The following AADACL4 variants were observed in gnomAD, a reference collection of about 807,000 sequenced individuals.
AADACL4 encodes arylacetamide deacetylase-like 4.
AADACL4 carries 9 observed loss-of-function variants against 14.1 expected under a neutral mutation model. That is an observed-to-expected ratio of 0.64 (90% CI 0.39 to 1.12). The LOEUF (loss-of-function observed/expected upper bound fraction) is 1.12, where lower values mean the gene tolerates loss of function less well. Among genes scored for constraint, AADACL4 ranks in the 50% most tolerant of loss-of-function variants. The probability of loss-of-function intolerance (pLI) is 0.01; values close to 1 mark genes in which losing one functional copy is unlikely to be tolerated. For missense variants in AADACL4, 531 were observed against 516.1 expected, an observed-to-expected ratio of 1.03 and a Z score of -0.28; for synonymous variants, 188 against 201.6, an observed-to-expected ratio of 0.93 and a Z score of 0.57.
At chr1:12,665,835 T>C (rs1647310494) in intron 3 of AADACL4, 126 bp from the exon 4 acceptor site, 6 of 1,083,124 alleles carry the variant, frequency 5.5e-6, no homozygotes, top group Non-Finnish European at 7.8e-6. Flanking sequence ...AAAATCCTTA[T>C]TTCATAGGGT....
At chr1:12,651,926 T>C (rs892337605) in intron 2 of AADACL4, among the ~76,000 whole-genome samples, 10 of 151,492 alleles carry the variant, frequency 6.6e-5, no homozygotes, top group Non-Finnish European at 1.5e-4. Flanking sequence ...CCTCTCGGGT[T>C]CACGCCATTC....
rs374178973 is a variant in AADACL4, at chr1:12,656,474, G to A, written c.385+5135G>A. Among the ~76,000 whole-genome samples the A allele has an allele frequency of 1.1e-4, 16 of 152,316 alleles. No homozygotes were observed. In the East Asian group the frequency reaches 1.7e-3, roughly 17 times the overall value. Reference sequence around the variant, plus strand: ...ATCTGAACATTTACCACCAGGTAAAGCTTGGGAGTAGAGATGATTCAGTAT... The same window carrying A: ...ATCTGAACATTTACCACCAGGTAAAACTTGGGAGTAGAGATGATTCAGTAT... On this transcript the variant is annotated intron_variant, in intron 2 of 3. Coordinates refer to ENST00000376221, the MANE Select transcript of AADACL4 (RefSeq NM_001013630.2).
At chr1:12,648,337 G>A (rs2100757478) in intron 1 of AADACL4, among the ~76,000 whole-genome samples, 1 of 141,226 alleles carries the variant, frequency 7.1e-6, no homozygotes, top group East Asian at 2.0e-4. Context: ...TTAAAATTCT[G>A]GACCTCAGAT....
intron 2 of AADACL4, 98 bp from the exon 3 acceptor site, chr1:12,661,693 C>T (rs936596759): frequency 1.6e-6 from 2 of 1,251,590 alleles, no homozygotes; most frequent in African/African-American, 3.0e-5. Context: ...GATGCCACAC[C>T]CCACACCAAG....
In AADACL4 at chr1:12,658,152, C is replaced by CTT. The variant is rs1178549122; in HGVS notation, c.386-3637_386-3636dup. On this transcript the variant is annotated intron_variant, in intron 2 of 3. Coordinates refer to ENST00000376221, the MANE Select transcript of AADACL4 (RefSeq NM_001013630.2). ...CCTTCCTTCCTTCCTTTCTTTCTTT[C>CTT]TTTCTTTCTTTCTTTTTCTCTTTCT... Among the ~76,000 whole-genome samples, 9 of 132,660 alleles carry CTT rather than the reference C, an allele frequency of 6.8e-5. No homozygotes were observed. In the East Asian group the frequency reaches 1.8e-3, roughly 27 times the overall value. The allele number at this position is 132,660 out of a possible 152,430, so 87.0% of individuals were successfully genotyped here.
At chr1:12,658,260 T>TTTTC (rs1411607740) in intron 2 of AADACL4, among the ~76,000 whole-genome samples, 1 of 149,640 alleles carries the variant, frequency 6.7e-6, no homozygotes, top group South Asian at 2.2e-4. Context: ...CTTCCTTCCT[T>TTTTC]TTTCTTTCTT....
intron 1 of AADACL4, among the ~76,000 whole-genome samples, chr1:12,647,901 G>T (rs539272676): frequency 9.9e-5 from 15 of 151,648 alleles, no homozygotes; most frequent in Admixed American, 6.6e-4. Context: ...CAAGAGATCC[G>T]CCTGCCTTGG....
chr1:12,651,334 G>T lies in AADACL4; in HGVS notation c.380G>T (p.Ser127Ile). The T allele has an allele frequency of 6.2e-7, 1 of 1,614,128 alleles. No individual in the cohort carries two copies. The highest frequency in any genetic ancestry group is 8.5e-7 in the Non-Finnish European group (1 of 1,180,024). Residue 127 changes from serine to isoleucine, a missense_variant, in exon 2 of 4, where the codon AGC (serine) becomes ATC (isoleucine). Transcript: ENST00000376221. ...FYHGGATVFG[S>I]LDCYHGLCNY... ...CATGGAGGGGCCACAGTATTTGGGA[G>T]CCTGGGTAAGGGGCTTCCCTGTGGC...
chr1:12,655,969 G>C (rs1191869044), intron 2 of AADACL4, among the ~76,000 whole-genome samples: 2 of 152,094 alleles, frequency 1.3e-5, no homozygotes, highest in African/African-American at 2.4e-5. Flanking sequence ...TTAAAATTTA[G>C]GGTTTCATTC....
chr1:12,651,033 A>G, intron 1 of AADACL4, 90 bp from the exon 2 acceptor site: 1 of 1,318,712 alleles, frequency 7.6e-7, no homozygotes, highest in East Asian at 2.3e-5. Context: ...GAAACTGTGA[A>G]AACATCCTAA....
rs1392707210 is a variant in AADACL4 at position 12,656,200 on chromosome 1, T to G, written c.385+4861T>G. Among the ~76,000 whole-genome samples, 3 of 152,214 alleles carry G rather than the reference T, an allele frequency of 2.0e-5. No individual in the cohort carries two copies. In the East Asian group the frequency reaches 5.8e-4, roughly 29 times the overall value. On this transcript the variant is annotated intron_variant, in intron 2 of 3. Transcript: ENST00000376221. ...AATAACAGTATGGTTCCCTCATGGA[T>G]GGACTGGTCCTGGCATTTTATGAAA...
chr1:12,664,593 C>T (rs1357305445), intron 3 of AADACL4, among the ~76,000 whole-genome samples: 1 of 152,178 alleles, frequency 6.6e-6, no homozygotes, highest in African/African-American at 2.4e-5. Context: ...TCTTGAACTC[C>T]TGAGGTTGAG....
At chr1:12,665,697 A>T (rs1647307907) in intron 3 of AADACL4, among the ~76,000 whole-genome samples, 1 of 152,258 alleles carries the variant, frequency 6.6e-6, no homozygotes, top group Non-Finnish European at 1.5e-5. Flanking sequence ...AGCTTCAATG[A>T]AAACAAAGTT....
chr1:12,661,825 G>A lies in AADACL4; in HGVS notation c.420G>A (p.Arg140=). The A allele has an allele frequency of 1.9e-6, 3 of 1,614,160 alleles. No individual in the cohort carries two copies. Among genetic ancestry groups the A allele is most frequent in the Non-Finnish European group, 2.5e-6 (3 of 1,180,038 alleles). Residue 140 remains arginine, a synonymous_variant, in exon 3 of 4, where the codon CGG becomes CGA. Coordinates refer to ENST00000376221, the MANE Select transcript of AADACL4 (RefSeq NM_001013630.2). ...CYHGLCNYLA[R]ETESVLLMIG... Reference sequence around the variant, plus strand: ...ATGGCCTGTGCAATTATCTGGCCCGGGAGACTGAATCTGTACTTCTGATGA... The same window carrying A: ...ATGGCCTGTGCAATTATCTGGCCCGAGAGACTGAATCTGTACTTCTGATGA...
chr1:12,659,841 C>T (rs116744858), intron 2 of AADACL4, among the ~76,000 whole-genome samples: 202 of 152,238 alleles, frequency 1.3e-3, no homozygotes, highest in African/African-American at 4.5e-3. Context: ...TATTTTGAGA[C>T]AGGATCTCAC....
rs1291753389 is a variant in AADACL4, at chr1:12,644,646, C to G, written c.100C>G (p.Pro34Ala). ...TGAGCACTTCCTCACCACGGATATC[C>G]CTGCTACCTTGCAGCATCCTGCCAA... Reference protein sequence around the residue: ...VFEHFLTTDIPATLQHPAKLR... With the variant: ...VFEHFLTTDIAATLQHPAKLR... Residue 34 changes from proline to alanine, a missense_variant, in exon 1 of 4, where the codon CCT becomes GCT. By Grantham distance (27) the Pro-to-Ala change is conservative. Coordinates refer to ENST00000376221, the MANE Select transcript of AADACL4 (RefSeq NM_001013630.2). The G allele has an allele frequency of 1.9e-6, 3 of 1,614,032 alleles. No individual in the cohort carries two copies. The highest frequency in any genetic ancestry group is 1.3e-5 in the African/African-American group (1 of 74,918).
intron 3 of AADACL4, among the ~76,000 whole-genome samples, chr1:12,663,834 T>A (rs558038930): frequency 7.2e-5 from 11 of 152,268 alleles, no homozygotes; most frequent in African/African-American, 2.6e-4. Flanking sequence ...CTAAGAAGCA[T>A]GTGTTTCGCC....
At chr1:12,652,818 A>AATCCAGTG (rs1647157598) in intron 2 of AADACL4, among the ~76,000 whole-genome samples, 6 of 152,298 alleles carry the variant, frequency 3.9e-5, no homozygotes, top group Middle Eastern at 6.8e-3. Flanking sequence ...AGGTCCTAGG[A>AATCCAGTG]GAAGCCCAGG....
chr1:12,666,241 C>T lies in AADACL4; in HGVS notation c.730C>T (p.Leu244Phe). ...SFQQNQNVPLLSRKFMVTSLC... is the reference protein window; with the variant it reads ...SFQQNQNVPLFSRKFMVTSLC... ...TCAGCAGAACCAAAATGTCCCATTA[C>T]TTTCCCGGAAGTTCATGGTGACTTC... Residue 244 changes from leucine (L) to phenylalanine (F), a missense_variant, in exon 4 of 4, where the codon CTT (leucine) becomes TTT (phenylalanine). Leu to Phe is a conservative substitution (Grantham distance 22). Transcript: ENST00000376221. 1.2e-6 allele frequency: 2 copies of T among 1,614,254 alleles called. No homozygotes were observed. The highest frequency in any genetic ancestry group is 1.7e-6 in the Non-Finnish European group (2 of 1,180,048).
Sources: allele counts gnomAD v4.1 joint callset (sites outside exome capture counted in the v4.1 genomes callset), GRCh38; gene constraint gnomAD v4.1.1; transcripts MANE v1.5; gene names NCBI Gene and HGNC (gene_info 2026-07-23, HGNC 2026-07-21).